DGKI: variants seen among roughly 807,000 people sequenced by gnomAD.
DGKI encodes DAG kinase iota.
A neutral mutation model predicts 147.5 loss-of-function variants in DGKI; 55 were observed. The observed-to-expected ratio is 0.37, with a 90% CI of 0.30 to 0.47. The LOEUF is 0.47. Among genes scored for constraint, DGKI ranks in the 20% least tolerant of loss-of-function variants. The probability of loss-of-function intolerance (pLI) is 1.00; values close to 1 mark genes in which losing one functional copy is unlikely to be tolerated. For missense variants in DGKI, 1,007 were observed against 1,323.8 expected (o/e 0.76, Z 3.71); for synonymous variants, 469 against 477.1 (o/e 0.98, Z 0.22).
At chr7:137,604,176 G>C (rs2128990981) in intron 10 of DGKI, among the ~76,000 whole-genome samples, 1 of 152,266 alleles carries the variant, frequency 6.6e-6, no homozygotes, top group East Asian at 1.9e-4. Flanking sequence ...TGGACAAGAA[G>C]ATGTTGAGGC....
chr7:137,393,590 G>A (rs572296454), intron 32 of DGKI, among the ~76,000 whole-genome samples: 4 of 152,262 alleles, frequency 2.6e-5, no homozygotes, highest in Non-Finnish European at 4.4e-5. Context: ...ATAACATCTG[G>A]GAAGAACATC....
At chr7:137,430,444 A>G (rs1401440659) in intron 28 of DGKI, among the ~76,000 whole-genome samples, 1 of 151,268 alleles carries the variant, frequency 6.6e-6, no homozygotes, top group Non-Finnish European at 1.5e-5. Context: ...TAGGAGATAT[A>G]CCTAATGCTA....
intron 19 of DGKI, among the ~76,000 whole-genome samples, chr7:137,563,833 G>A (rs550157007): frequency 6.6e-6 from 1 of 152,148 alleles, no homozygotes; most frequent in South Asian, 2.1e-4. Context: ...TCATGGATTG[G>A]AACATTCATA....
chr7:137,703,885 TA>T (rs1403719388), intron 1 of DGKI, among the ~76,000 whole-genome samples: 1 of 152,112 alleles, frequency 6.6e-6, no homozygotes, highest in Non-Finnish European at 1.5e-5. Flanking sequence ...AGCAAGTCAA[TA>T]AAAATTTTTT....
At chr7:137,397,715 C>T (rs983922460) in intron 30 of DGKI, among the ~76,000 whole-genome samples, 2 of 152,134 alleles carry the variant, frequency 1.3e-5, no homozygotes, top group East Asian at 1.9e-4. Context: ...AATTAAGTGG[C>T]TAACAAGGGA....
intron 20 of DGKI, among the ~76,000 whole-genome samples, chr7:137,549,438 A>C (rs1459614209): frequency 6.6e-6 from 1 of 152,146 alleles, no homozygotes; most frequent in Non-Finnish European, 1.5e-5. Flanking sequence ...TGTGTGAAAG[A>C]AGCCTAATTT....
chr7:137,382,873 A>G lies in DGKI; in HGVS notation c.*8347T>C, dbSNP rs548263567. On this transcript the variant is annotated 3_prime_UTR_variant, in exon 33 of 33. Coordinates refer to ENST00000614521, the MANE Select transcript of DGKI (RefSeq NM_001321708.2). The stretch of plus-strand genomic sequence containing the variant: ...TTCCTCCCTCACCCAGTCAACCTGA[A>G]ATCTAGGAACTCAAGCTGTATTACA... 6.6e-6 allele frequency: 1 copy of G among 152,118 alleles called. No individual in the cohort carries two copies. The highest frequency in any genetic ancestry group is 1.5e-5 in the Non-Finnish European group (1 of 67,932). The allele number at this position is 152,118 out of a possible 1,614,324, so 9.4% of individuals were successfully genotyped here.
At chr7:137,622,932 A>G (rs1324332130) in intron 7 of DGKI, among the ~76,000 whole-genome samples, 1 of 152,256 alleles carries the variant, frequency 6.6e-6, no homozygotes, top group Non-Finnish European at 1.5e-5. Context: ...AAAGAGCTAC[A>G]TTTCAATGAG....
intron 1 of DGKI, among the ~76,000 whole-genome samples, chr7:137,770,679 G>A (rs55719809): frequency 0.045 from 4,314 of 96,762 alleles, 997 homozygotes; most frequent in Non-Finnish European, 0.053. Context: ...GACTACAGGC[G>A]CCCGCCACTA....
At chr7:137,560,737 G>C (rs1195792396) in intron 19 of DGKI, among the ~76,000 whole-genome samples, 2 of 152,190 alleles carry the variant, frequency 1.3e-5, no homozygotes, top group African/African-American at 2.4e-5. Context: ...AATAGAAACA[G>C]GCTGGAGTGG....
intron 3 of DGKI, among the ~76,000 whole-genome samples, chr7:137,671,365 G>C (rs1396244065): frequency 1.3e-5 from 2 of 152,154 alleles, no homozygotes; most frequent in African/African-American, 4.8e-5. Flanking sequence ...GTCATGACTT[G>C]GTAAGAATAT....
chr7:137,557,358 T>C (rs1183312150), intron 19 of DGKI, among the ~76,000 whole-genome samples: 2 of 152,136 alleles, frequency 1.3e-5, no homozygotes, highest in African/African-American at 4.8e-5. Context: ...TACTTAAAGA[T>C]GCAGTCATTA....
At chr7:137,550,242 T>G (rs986611683) in intron 20 of DGKI, among the ~76,000 whole-genome samples, 1 of 150,654 alleles carries the variant, frequency 6.6e-6, no homozygotes, top group Non-Finnish European at 1.5e-5. Context: ...CTCGGCTCCA[T>G]GAAACTTCTG....
At chr7:137,676,634 G>A (rs1351682598) in intron 3 of DGKI, among the ~76,000 whole-genome samples, 5 of 152,134 alleles carry the variant, frequency 3.3e-5, no homozygotes, top group Non-Finnish European at 7.4e-5. Context: ...TGAGTTAATA[G>A]GGCCAAGTAC....
chr7:137,449,630 A>C (rs1484362661), intron 27 of DGKI, among the ~76,000 whole-genome samples: 1 of 152,178 alleles, frequency 6.6e-6, no homozygotes, highest in Non-Finnish European at 1.5e-5. Context: ...AAAATAGAGA[A>C]ATGCGATTAC....
chr7:137,610,168 G>A (rs924148386), intron 8 of DGKI, among the ~76,000 whole-genome samples: 5 of 151,786 alleles, frequency 3.3e-5, no homozygotes. Context: ...TCAGTTGTCT[G>A]ACATGTAAAA....
intron 8 of DGKI, among the ~76,000 whole-genome samples, chr7:137,613,734 A>G (rs1027468518): frequency 6.6e-6 from 1 of 152,188 alleles, no homozygotes; most frequent in Non-Finnish European, 1.5e-5. Context: ...AAACTAGGAT[A>G]TATCCACAGC....
intron 28 of DGKI, among the ~76,000 whole-genome samples, chr7:137,429,031 T>G (rs1812945734): frequency 1.3e-5 from 2 of 151,818 alleles, no homozygotes; most frequent in African/African-American, 4.8e-5. Context: ...ATGACTTTCT[T>G]CACAGAATTG....
intron 2 of DGKI, among the ~76,000 whole-genome samples, chr7:137,685,340 C>T (rs1221995551): frequency 1.3e-5 from 2 of 152,120 alleles, no homozygotes; most frequent in African/African-American, 4.8e-5. Flanking sequence ...GCTTTTCCAC[C>T]ACTGTTCAGG....
Sources: allele counts gnomAD v4.1 joint callset (sites outside exome capture counted in the v4.1 genomes callset), GRCh38; gene constraint gnomAD v4.1.1; transcripts MANE v1.5; gene names NCBI Gene and HGNC (gene_info 2026-07-23, HGNC 2026-07-21).